Variants in PTGFR observed in about 807,000 individuals in gnomAD.
PTGFR encodes prostaglandin F2-alpha receptor.
Under a neutral mutation model 26.2 loss-of-function variants are expected in PTGFR, and 15 were observed. The observed-to-expected ratio is 0.57, with a 90% CI of 0.38 to 0.88. The LOEUF (loss-of-function observed/expected upper bound fraction) is 0.88. PTGFR is among the 40% of genes least tolerant of loss of function. The pLI, the probability that PTGFR is intolerant of heterozygous loss-of-function variation, is 0.00. For missense variants in PTGFR, 369 were observed against 427.2 expected (o/e 0.86, Z 1.20); for synonymous variants, 165 against 151.1 (o/e 1.09, Z -0.68).
intron 2 of PTGFR, among the ~76,000 whole-genome samples, chr1:78,512,789 C>G (rs1399210955): frequency 6.6e-6 from 1 of 152,152 alleles, no homozygotes; most frequent in Non-Finnish European, 1.5e-5. Flanking sequence ...AGATTCCTTA[C>G]AAATGGTTTA....
At chr1:78,504,288 T>A (rs1649776081) in intron 2 of PTGFR, among the ~76,000 whole-genome samples, 1 of 152,224 alleles carries the variant, frequency 6.6e-6, no homozygotes, top group African/African-American at 2.4e-5. Context: ...GTTAGTATTC[T>A]GGGTGCATCT....
chr1:78,497,607 T>C (rs895914649), intron 2 of PTGFR, among the ~76,000 whole-genome samples: 2 of 152,200 alleles, frequency 1.3e-5, no homozygotes, highest in Non-Finnish European at 2.9e-5. Flanking sequence ...AATTAATTAT[T>C]AGTGCTATGC....
At chr1:78,505,398 C>T (rs1378304584) in intron 2 of PTGFR, among the ~76,000 whole-genome samples, 1 of 152,138 alleles carries the variant, frequency 6.6e-6, no homozygotes, top group East Asian at 1.9e-4. Flanking sequence ...GCTGGGATTA[C>T]AGGCATGAGC....
intron 2 of PTGFR, among the ~76,000 whole-genome samples, chr1:78,521,110 T>C (rs2100384926): frequency 6.6e-6 from 1 of 152,208 alleles, no homozygotes; most frequent in South Asian, 2.1e-4. Flanking sequence ...TCCACTCCCT[T>C]CTGTACCAGC....
intron 2 of PTGFR, 21 bp downstream of exon 2, chr1:78,493,562 CT>C: frequency 2.0e-6 from 3 of 1,511,136 alleles, no homozygotes; most frequent in Non-Finnish European, 2.6e-6. Flanking sequence ...GAAGTTTTGA[CT>C]TCTGCTTTCT....
chr1:78,528,299 A>T (rs1650423445), intron 2 of PTGFR, among the ~76,000 whole-genome samples: 1 of 146,090 alleles, frequency 6.8e-6, no homozygotes, highest in Non-Finnish European at 1.5e-5. Flanking sequence ...GTTAGCAAAA[A>T]AAAAAAAAAA....
At chr1:78,511,594 G>T (rs1226927947) in intron 2 of PTGFR, among the ~76,000 whole-genome samples, 1 of 152,206 alleles carries the variant, frequency 6.6e-6, no homozygotes, top group Non-Finnish European at 1.5e-5. Context: ...AGGAGAGGGA[G>T]CTGCCTCAAA....
chr1:78,513,828 G>C (rs1306308220), intron 2 of PTGFR, among the ~76,000 whole-genome samples: 3 of 152,182 alleles, frequency 2.0e-5, no homozygotes, highest in Non-Finnish European at 2.9e-5. Context: ...CCCACATCCA[G>C]GGTGCCCGGA....
At position 78,538,419 on chromosome 1, in the gene PTGFR, T is replaced by G. The variant is rs1345710944; in HGVS notation, c.*1732T>G. On this transcript the variant is annotated 3_prime_UTR_variant, in exon 3 of 3. Transcript: ENST00000370757. ...TGGCCATGTGCAAGGCTTTAAGGAG[T>G]GAGAGAGATGTGTACATATCTTAGG... The G allele has an allele frequency of 6.6e-6, 1 of 151,480 alleles. No individual in the cohort carries two copies. The highest frequency in any genetic ancestry group is 1.5e-5 in the Non-Finnish European group (1 of 67,866). 9.4% of individuals were successfully genotyped at this position (151,480 alleles called of 1,614,324 possible). A position where few individuals can be genotyped will look rare whatever the true frequency, so the allele number is the denominator to read the frequency against.
In PTGFR at chr1:78,518,565, AAGAC is replaced by A. The variant is rs1443080705; in HGVS notation, c.799-17839_799-17836del. Among the ~76,000 whole-genome samples, 8 of 109,124 alleles carry A rather than the reference AAGAC, an allele frequency of 7.3e-5. No individual in the cohort carries two copies. In the East Asian group the frequency reaches 2.0e-3, roughly 28 times the overall value. The allele number at this position is 109,124 out of a possible 152,430, so 71.6% of individuals were successfully genotyped here. ...TGCAGCATTTGTCATTACAGTATAAAAGACACACACACACACACACACACACACA... is the reference window on the plus strand; with the variant it reads ...TGCAGCATTTGTCATTACAGTATAAAACACACACACACACACACACACACA... On this transcript the variant is annotated intron_variant, in intron 2 of 2. Coordinates refer to ENST00000370757, the MANE Select transcript of PTGFR (RefSeq NM_000959.4).
chr1:78,523,601 G>A (rs1045521627), intron 2 of PTGFR, among the ~76,000 whole-genome samples: 1 of 125,254 alleles, frequency 8.0e-6, no homozygotes, highest in South Asian at 2.5e-4. Context: ...AGGGTGGATA[G>A]GATCTACACG....
intron 2 of PTGFR, among the ~76,000 whole-genome samples, chr1:78,510,283 T>C (rs1488884312): frequency 6.6e-6 from 1 of 151,890 alleles, no homozygotes; most frequent in Non-Finnish European, 1.5e-5. Flanking sequence ...AGAAAAGAGG[T>C]TTAATTGGCT....
At chr1:78,498,410 G>A (rs957979407) in intron 2 of PTGFR, among the ~76,000 whole-genome samples, 1 of 152,084 alleles carries the variant, frequency 6.6e-6, no homozygotes, top group African/African-American at 2.4e-5. Flanking sequence ...TATATATGTA[G>A]TGTGTATATA....
chr1:78,521,032 C>T (rs1650209231), intron 2 of PTGFR, among the ~76,000 whole-genome samples: 1 of 152,040 alleles, frequency 6.6e-6, no homozygotes, highest in African/African-American at 2.4e-5. Flanking sequence ...TAGGATAGTA[C>T]AGCCACATGC....
intron 2 of PTGFR, among the ~76,000 whole-genome samples, chr1:78,499,674 G>A (rs181221560): frequency 9.5e-4 from 144 of 152,280 alleles, no homozygotes; most frequent in African/African-American, 3.4e-3. Flanking sequence ...AATGTAAGTT[G>A]GAAGTAATGT....
At position 78,536,544 on chromosome 1, in the gene PTGFR, A is replaced by G; in HGVS notation, c.937A>G (p.Lys313Glu). 6.2e-7 allele frequency: 1 copy of G among 1,613,446 alleles called. No homozygotes were observed. The highest frequency in any genetic ancestry group is 8.5e-7 in the Non-Finnish European group (1 of 1,179,560). Residue 313 changes from lysine (K) to glutamate (E), a missense_variant, in exon 3 of 3, where the codon AAG (lysine) becomes GAG (glutamate). Transcript: ENST00000370757. ...VYILLRKAVLKNLYKLASQCC... is the reference protein window; with the variant it reads ...VYILLRKAVLENLYKLASQCC... ...TATTCTTCTACGAAAGGCTGTCCTT[A>G]AGAATCTCTATAAGCTTGCCAGTCA... is the stretch of plus-strand genomic sequence containing the variant.
Position 78,493,548 on chromosome 1 carries a change from G to A in PTGFR, c.798+7G>A, listed in dbSNP as rs748321150. On this transcript the variant is annotated splice_region_variant and intron_variant, in intron 2 of 2. Coordinates refer to ENST00000370757, the MANE Select transcript of PTGFR (RefSeq NM_000959.4). Reference sequence around the variant, plus strand: ...TTGTTGGAGCCCATTTCTGGTAAGAGCCTGAAGTTTTGACTTCTGCTTTCT... The same window carrying A: ...TTGTTGGAGCCCATTTCTGGTAAGAACCTGAAGTTTTGACTTCTGCTTTCT... 5.3e-6 allele frequency: 8 copies of A among 1,519,056 alleles called. No homozygotes were observed. The highest frequency in any genetic ancestry group is 6.2e-6 in the Non-Finnish European group (7 of 1,136,508). 94.1% of individuals were successfully genotyped at this position (1,519,056 alleles called of 1,614,324 possible).
chr1:78,525,921 T>A (rs543226045), intron 2 of PTGFR, among the ~76,000 whole-genome samples: 60 of 152,230 alleles, frequency 3.9e-4, no homozygotes, highest in African/African-American at 1.2e-3. Context: ...TAGCAGAATA[T>A]TTTGTTTGTT....
intron 2 of PTGFR, among the ~76,000 whole-genome samples, chr1:78,529,100 T>A (rs909205291): frequency 2.0e-5 from 3 of 152,168 alleles, no homozygotes; most frequent in African/African-American, 7.2e-5. Flanking sequence ...CTTTGAAAAA[T>A]CTTTCCAAAC....
Sources: gnomAD v4.1 joint callset for allele counts (sites outside exome capture counted in the v4.1 genomes callset) on GRCh38, gnomAD v4.1.1 for gene constraint, MANE v1.5 for transcripts, NCBI Gene and HGNC (gene_info 2026-07-23, HGNC 2026-07-21) for gene names.